The following GMDS variants were observed in gnomAD, a reference collection of about 807,000 sequenced individuals.
GMDS encodes the protein GDP-mannose 4,6-dehydratase, also known as GDP-mannose 4,6 dehydratase.
Under a neutral mutation model 49.9 loss-of-function variants are expected in GMDS, and 20 were observed. The observed-to-expected ratio is 0.40, with a 90% CI of 0.28 to 0.58. The LOEUF (loss-of-function observed/expected upper bound fraction) is 0.58, where lower values mean the gene tolerates loss of function less well. Ranked by LOEUF, GMDS falls within the 20% of genes least tolerant of loss-of-function variation. The pLI is 0.42. For missense variants in GMDS, 362 were observed against 481.4 expected (o/e 0.75, Z 2.32); for synonymous variants, 177 against 178.6 (o/e 0.99, Z 0.07).
intron 7 of GMDS, 95 bp from the exon 8 acceptor site, chr6:1,742,681 T>A: frequency 1.5e-6 from 1 of 678,964 alleles, no homozygotes; most frequent in Non-Finnish European, 2.7e-6. Context: ...CATCGACAGC[T>A]GGAACATGAG....
intron 9 of GMDS, among the ~76,000 whole-genome samples, 181 bp downstream of exon 9, chr6:1,726,235 T>A (rs572443007): frequency 1.8e-4 from 27 of 152,372 alleles, no homozygotes; most frequent in Admixed American, 1.5e-3. Context: ...CAATGAAGTT[T>A]GTGGTAAGAA....
chr6:1,653,137 T>G (rs1763768794), intron 9 of GMDS, among the ~76,000 whole-genome samples: 1 of 151,582 alleles, frequency 6.6e-6, no homozygotes, highest in Non-Finnish European at 1.5e-5. Flanking sequence ...AAGGTGCCAG[T>G]GTCACTTCCC....
chr6:2,194,038 TTA>T (rs1491480054), intron 1 of GMDS, among the ~76,000 whole-genome samples: 3 of 150,792 alleles, frequency 2.0e-5, no homozygotes, highest in South Asian at 2.1e-4. Flanking sequence ...CTATTTTTTT[TTA>T]AAAAAAAAGA....
intron 9 of GMDS, among the ~76,000 whole-genome samples, chr6:1,706,390 GTGTCCA>G (rs944917971): frequency 3.0e-4 from 45 of 152,324 alleles, no homozygotes; most frequent in Admixed American, 2.7e-3. Flanking sequence ...GTCAAGGGAA[GTGTCCA>G]TGCTGTTCTG....
At chr6:2,219,831 C>A (rs950096504) in intron 1 of GMDS, among the ~76,000 whole-genome samples, 1 of 152,210 alleles carries the variant, frequency 6.6e-6, no homozygotes, top group Non-Finnish European at 1.5e-5. Flanking sequence ...TATACAACTA[C>A]AGGTTAAGCA....
At chr6:1,886,427 T>C (rs1290472881) in intron 7 of GMDS, among the ~76,000 whole-genome samples, 1 of 152,200 alleles carries the variant, frequency 6.6e-6, no homozygotes, top group African/African-American at 2.4e-5. Flanking sequence ...TGCAAGTAGA[T>C]TTTATATTAT....
intron 4 of GMDS, among the ~76,000 whole-genome samples, chr6:2,049,371 T>C (rs1398681540): frequency 1.3e-5 from 2 of 152,220 alleles, no homozygotes; most frequent in African/African-American, 4.8e-5. Context: ...CAATGTCAAA[T>C]ACATATGGTG....
chr6:1,750,677 G>GT (rs368117884), intron 7 of GMDS, among the ~76,000 whole-genome samples: 2 of 151,870 alleles, frequency 1.3e-5, no homozygotes, highest in African/African-American at 4.8e-5. Context: ...GCTGCAGGAG[G>GT]TTTTTTTTCA....
intron 7 of GMDS, among the ~76,000 whole-genome samples, chr6:1,909,768 G>A (rs1372322272): frequency 6.6e-6 from 1 of 152,162 alleles, no homozygotes; most frequent in African/African-American, 2.4e-5. Context: ...CACAAGGCGA[G>A]GGTCACATGA....
At chr6:2,125,594 C>T (rs904166626) in intron 1 of GMDS, among the ~76,000 whole-genome samples, 1 of 151,342 alleles carries the variant, frequency 6.6e-6, no homozygotes, top group Admixed American at 6.6e-5. Flanking sequence ...ACATTGTCTC[C>T]AGAGGGAAAG....
intron 9 of GMDS, among the ~76,000 whole-genome samples, chr6:1,693,704 C>T (rs1230606730): frequency 1.3e-5 from 2 of 152,194 alleles, no homozygotes; most frequent in Admixed American, 1.3e-4. Context: ...CGGCCATCAA[C>T]TTGGCAAGGG....
chr6:2,027,134 T>G (rs965903308), intron 4 of GMDS, among the ~76,000 whole-genome samples: 5 of 152,172 alleles, frequency 3.3e-5, no homozygotes, highest in Non-Finnish European at 7.3e-5. Context: ...GGACCCTGGC[T>G]GGTACTCTGG....
intron 4 of GMDS, among the ~76,000 whole-genome samples, chr6:1,974,579 G>A (rs907257247): frequency 6.6e-6 from 1 of 152,134 alleles, no homozygotes; most frequent in Non-Finnish European, 1.5e-5. Context: ...CAGGCAGGTA[G>A]GAACACTGGT....
At chr6:1,799,389 G>A (rs1361134217) in intron 7 of GMDS, among the ~76,000 whole-genome samples, 1 of 152,190 alleles carries the variant, frequency 6.6e-6, no homozygotes, top group Non-Finnish European at 1.5e-5. Flanking sequence ...GCAACACGGT[G>A]CCTTTTGACT....
At chr6:1,676,961 A>G (rs1196330460) in intron 9 of GMDS, among the ~76,000 whole-genome samples, 2 of 152,260 alleles carry the variant, frequency 1.3e-5, no homozygotes, top group Non-Finnish European at 2.9e-5. Context: ...GAGCTTCTGC[A>G]CAGCAAAAGA....
At chr6:1,783,123 C>T (rs936581218) in intron 7 of GMDS, among the ~76,000 whole-genome samples, 1 of 152,158 alleles carries the variant, frequency 6.6e-6, no homozygotes, top group Admixed American at 6.5e-5. Context: ...CCACTGCACT[C>T]CAGCCTGGGC....
chr6:1,908,471 G>A (rs971021809), intron 7 of GMDS, among the ~76,000 whole-genome samples: 2 of 152,158 alleles, frequency 1.3e-5, no homozygotes, highest in African/African-American at 4.8e-5. Flanking sequence ...TGTTCTGAAA[G>A]TCTCTTGGCA....
intron 9 of GMDS, chr6:1,626,115 A>G (rs1308794807): frequency 6.6e-6 from 1 of 152,258 alleles, no homozygotes; most frequent in Non-Finnish European, 1.5e-5. Context: ...TTTGGAGCTC[A>G]CCTTCTCTGC....
chr6:1,940,748 C>T (rs1762782334), intron 6 of GMDS, among the ~76,000 whole-genome samples: 1 of 152,246 alleles, frequency 6.6e-6, no homozygotes, highest in Non-Finnish European at 1.5e-5. Flanking sequence ...AATGTTCAAA[C>T]TACTTTGCTA....
Sources: allele counts gnomAD v4.1 joint callset (sites outside exome capture counted in the v4.1 genomes callset), GRCh38; gene constraint gnomAD v4.1.1; transcripts MANE v1.5; gene names NCBI Gene and HGNC (gene_info 2026-07-23, HGNC 2026-07-21).